Variants in MARCHF1 observed in about 807,000 individuals in gnomAD.
The protein encoded by MARCHF1 is E3 ubiquitin-protein ligase MARCHF1.
MARCHF1 carries 40 observed loss-of-function variants against 54.2 expected under a neutral mutation model. The observed-to-expected ratio is 0.74, with a 90% CI of 0.57 to 0.96. MARCHF1 has a LOEUF of 0.96. MARCHF1 is among the 40% of genes least tolerant of loss of function. MARCHF1 has a pLI of 0.00. For missense variants in MARCHF1, 586 were observed against 656.5 expected (o/e 0.89, Z 1.17); for synonymous variants, 236 against 236.3 (o/e 1.00, Z 0.01).
chr4:164,242,736 T>C (rs1319987598), intron 1 of MARCHF1, among the ~76,000 whole-genome samples: 1 of 151,846 alleles, frequency 6.6e-6, no homozygotes, highest in Non-Finnish European at 1.5e-5. Flanking sequence ...TTGAAAAAAA[T>C]TTAGAAGAAT....
intron 3 of MARCHF1, among the ~76,000 whole-genome samples, chr4:163,902,472 G>C (rs1393863126): frequency 6.6e-6 from 1 of 152,046 alleles, no homozygotes; most frequent in East Asian, 1.9e-4. Flanking sequence ...ATTGATGTTG[G>C]CCCCTTTTTT....
At chr4:164,112,941 A>T (rs1257722169) in intron 1 of MARCHF1, among the ~76,000 whole-genome samples, 1 of 145,602 alleles carries the variant, frequency 6.9e-6, no homozygotes, top group Non-Finnish European at 1.5e-5. Context: ...TAAATTATGT[A>T]TTTTCAAATT....
intron 4 of MARCHF1, among the ~76,000 whole-genome samples, chr4:163,792,807 A>G (rs1336170198): frequency 6.6e-6 from 1 of 152,218 alleles, no homozygotes; most frequent in East Asian, 1.9e-4. Flanking sequence ...AGGGAAAGTT[A>G]GACTAGGAAC....
intron 4 of MARCHF1, among the ~76,000 whole-genome samples, chr4:163,812,333 A>T (rs1263847777): frequency 6.6e-6 from 1 of 151,752 alleles, no homozygotes; most frequent in South Asian, 2.1e-4. Flanking sequence ...ATACACATAC[A>T]TGTATACATA....
At chr4:163,825,047 C>T (rs1004238404) in intron 4 of MARCHF1, among the ~76,000 whole-genome samples, 8 of 151,634 alleles carry the variant, frequency 5.3e-5, no homozygotes, top group East Asian at 1.9e-4. Flanking sequence ...TTGGTGGGAC[C>T]GTAAACTAGT....
intron 4 of MARCHF1, among the ~76,000 whole-genome samples, chr4:163,818,316 T>C (rs964333165): frequency 3.3e-5 from 5 of 152,088 alleles, no homozygotes; most frequent in Admixed American, 1.3e-4. Flanking sequence ...ATTTGTTGCA[T>C]AGATAAACAA....
At chr4:163,639,915 C>A (rs1742492637) in intron 5 of MARCHF1, among the ~76,000 whole-genome samples, 1 of 152,022 alleles carries the variant, frequency 6.6e-6, no homozygotes, top group African/African-American at 2.4e-5. Context: ...AAAAGTGTAT[C>A]TTTAGGAATT....
At position 164,006,455 on chromosome 4, in the gene MARCHF1, A is replaced by T. The variant is rs927354044; in HGVS notation, c.-247-17746T>A. ...ATGAAAAATAAAAAAAAGGAAAGGAATGAAAACCACCTACAAGATATAGAA... is the reference window on the plus strand; with the variant it reads ...ATGAAAAATAAAAAAAAGGAAAGGATTGAAAACCACCTACAAGATATAGAA... On this transcript the variant is annotated intron_variant, in intron 2 of 9. Transcript: ENST00000514618. Among the ~76,000 whole-genome samples, 5 of 152,260 alleles carry T rather than the reference A, an allele frequency of 3.3e-5. 1 individual carries two copies. In the East Asian group the frequency reaches 9.6e-4, roughly 29 times the overall value.
At chr4:164,040,188 A>G (rs116373524) in intron 2 of MARCHF1, among the ~76,000 whole-genome samples, 12,062 of 144,300 alleles carry the variant, frequency 0.084, 623 homozygotes, top group South Asian at 0.21. Flanking sequence ...ATACAAATAT[A>G]TATTATAAAT....
At chr4:164,260,801 C>G (rs2111275091) in intron 1 of MARCHF1, among the ~76,000 whole-genome samples, 1 of 152,270 alleles carries the variant, frequency 6.6e-6, no homozygotes, top group Admixed American at 6.5e-5. Context: ...TGCAAAAGCA[C>G]TTTACACTTA....
chr4:164,003,777 C>T (rs1318331907), intron 2 of MARCHF1, among the ~76,000 whole-genome samples: 1 of 152,010 alleles, frequency 6.6e-6, no homozygotes, highest in Non-Finnish European at 1.5e-5. Flanking sequence ...CCAGCAATCC[C>T]ATTACTAGGT....
At chr4:163,944,133 ATTTTTTTTTTTTTTTT>A (rs5863642) in intron 3 of MARCHF1, among the ~76,000 whole-genome samples, 1 of 110,126 alleles carries the variant, frequency 9.1e-6, no homozygotes, top group South Asian at 3.2e-4. Context: ...CACCGGGCTA[ATTTTTTTTTTTTTTTT>A]TTTTTTGTAT....
At chr4:163,854,398 T>C (rs1200513755) in intron 3 of MARCHF1, among the ~76,000 whole-genome samples, 1 of 152,200 alleles carries the variant, frequency 6.6e-6, no homozygotes, top group Admixed American at 6.6e-5. Flanking sequence ...TAACATCTTT[T>C]ATATCTCTCT....
intron 1 of MARCHF1, among the ~76,000 whole-genome samples, chr4:164,300,225 G>A (rs530399917): frequency 3.9e-5 from 6 of 152,010 alleles, no homozygotes; most frequent in African/African-American, 1.4e-4. Context: ...ACCACTCTTA[G>A]CTCTCTGCCA....
intron 1 of MARCHF1, among the ~76,000 whole-genome samples, chr4:164,176,943 T>A (rs550564891): frequency 1.7e-4 from 3 of 17,874 alleles, no homozygotes; most frequent in African/African-American, 6.1e-4. Flanking sequence ...CCTTGTGCGC[T>A]CTCTCTCTCT....
intron 1 of MARCHF1, among the ~76,000 whole-genome samples, chr4:164,138,413 TGTGACCAGAAGTAGG>T (rs1315387682): frequency 6.6e-6 from 1 of 152,144 alleles, no homozygotes; most frequent in Non-Finnish European, 1.5e-5. Context: ...AGTGAGATCC[TGTGACCAGAAGTAGG>T]AGCAAGGGAG....
At chr4:163,613,454 G>C (rs201420218) in intron 5 of MARCHF1, 61 bp from the exon 6 acceptor site, 81 of 1,612,518 alleles carry the variant, frequency 5.0e-5, no homozygotes, top group Non-Finnish European at 6.3e-5. Context: ...TTGATATCTT[G>C]CTTTTTTTCC....
chr4:163,776,933 A>G (rs2110888987), intron 4 of MARCHF1, among the ~76,000 whole-genome samples: 1 of 152,286 alleles, frequency 6.6e-6, no homozygotes, highest in South Asian at 2.1e-4. Context: ...TTCTACCCTC[A>G]AGATACAATG....
At chr4:164,211,716 G>C (rs1731779543) in intron 1 of MARCHF1, among the ~76,000 whole-genome samples, 1 of 151,944 alleles carries the variant, frequency 6.6e-6, no homozygotes. Context: ...AAAGAACTTA[G>C]AAGAATCAGT....
Sources: allele counts gnomAD v4.1 joint callset (sites outside exome capture counted in the v4.1 genomes callset), GRCh38; gene constraint gnomAD v4.1.1; transcripts MANE v1.5; gene names NCBI Gene and HGNC (gene_info 2026-07-23, HGNC 2026-07-21).